FAM20A: variants seen among roughly 807,000 people sequenced by gnomAD.
FAM20A encodes FAM20A golgi associated secretory pathway pseudokinase, also known as pseudokinase FAM20A.
In FAM20A, 42 loss-of-function variants were observed where a neutral mutation model predicts 52.0. The observed-to-expected ratio is 0.81, with a 90% confidence interval of 0.63 to 1.04. FAM20A has a LOEUF of 1.04. FAM20A is among the 50% of genes least tolerant of loss of function. FAM20A has a pLI of 0.00. For missense variants in FAM20A, 742 were observed against 712.7 expected (o/e 1.04, Z -0.47); for synonymous variants, 304 against 298.9 (o/e 1.02, Z -0.18).
intron 1 of FAM20A, among the ~76,000 whole-genome samples, chr17:68,571,890 AT>A (rs1295368475): frequency 6.6e-4 from 100 of 150,560 alleles, no homozygotes; most frequent in Admixed American, 6.6e-3. Context: ...GAATCAATAA[AT>A]TACTGGTGAC....
intron 1 of FAM20A, among the ~76,000 whole-genome samples, chr17:68,589,162 C>T (rs996529407): frequency 6.6e-6 from 1 of 152,228 alleles, no homozygotes; most frequent in Non-Finnish European, 1.5e-5. Context: ...ACTATATGAA[C>T]AAGTCTGCAT....
chr17:68,559,744 A>G (rs947217630), intron 1 of FAM20A, among the ~76,000 whole-genome samples: 2 of 152,210 alleles, frequency 1.3e-5, no homozygotes, highest in Middle Eastern at 3.2e-3. Context: ...TCCAGAGGCA[A>G]CTAATGTTGC....
chr17:68,567,244 T>C (rs1568757283), intron 1 of FAM20A, among the ~76,000 whole-genome samples: 2 of 151,984 alleles, frequency 1.3e-5, no homozygotes. Context: ...AAAGGGGCCT[T>C]AGGCAATCTG....
chr17:68,587,692 TG>T (rs1474895991), intron 1 of FAM20A, among the ~76,000 whole-genome samples: 4 of 152,184 alleles, frequency 2.6e-5, no homozygotes, highest in African/African-American at 9.7e-5. Context: ...TGCCTTTCCA[TG>T]GAGATTTTCA....
intron 1 of FAM20A, among the ~76,000 whole-genome samples, chr17:68,599,474 T>C (rs181781136): frequency 6.6e-6 from 1 of 152,338 alleles, no homozygotes; most frequent in East Asian, 1.9e-4. Flanking sequence ...ATATTTGATA[T>C]TTTTTCCTCT....
At position 68,542,101 on chromosome 17, in the gene FAM20A, GC is replaced by G; in HGVS notation, c.992del (p.Gly331AlafsTer51). On this transcript the variant is annotated frameshift_variant, in exon 7 of 11. Transcript: ENST00000592554. LOFTEE classifies it high-confidence loss of function. ...YMCKTEYAVC[G>X]NPHLLEGSLS... ...GGGAACCCTCCAGCAGGTGTGGGTT[GC>G]CACAGACAGCATACTCCGTCTTGCA... 1 of 1,613,968 alleles carries G rather than the reference GC, an allele frequency of 6.2e-7. No individual in the cohort carries two copies. Among genetic ancestry groups the G allele is most frequent in the Non-Finnish European group, 8.5e-7 (1 of 1,179,884 alleles).
chr17:68,589,255 A>C (rs1308990421), intron 1 of FAM20A, among the ~76,000 whole-genome samples: 1 of 152,250 alleles, frequency 6.6e-6, no homozygotes, highest in Non-Finnish European at 1.5e-5. Context: ...GGGAGGCAGT[A>C]CAGCCAAGAT....
intron 1 of FAM20A, among the ~76,000 whole-genome samples, chr17:68,568,259 G>A (rs1459945349): frequency 6.6e-6 from 1 of 151,852 alleles, no homozygotes; most frequent in East Asian, 1.9e-4. Context: ...CACGAGGTCA[G>A]GAGATCAAGA....
chr17:68,589,501 T>C (rs2088244764), intron 1 of FAM20A, among the ~76,000 whole-genome samples: 1 of 152,200 alleles, frequency 6.6e-6, no homozygotes, highest in Admixed American at 6.5e-5. Flanking sequence ...ATTGTCAAAG[T>C]CATGGAAAGG....
At position 68,537,284 on chromosome 17, in the gene FAM20A, C is replaced by G. The variant is rs150972449; in HGVS notation, c.*193G>C. ...GGGAAAAACGGAGCAAGGCAACGCACGACAGAAGCGGTGCACCAAGGAGTA... is the reference window on the plus strand; with the variant it reads ...GGGAAAAACGGAGCAAGGCAACGCAGGACAGAAGCGGTGCACCAAGGAGTA... On this transcript the variant is annotated 3_prime_UTR_variant, in exon 11 of 11. Coordinates refer to ENST00000592554, the MANE Select transcript of FAM20A (RefSeq NM_017565.4). This position sits in a 1 kb window ranked among gnomAD's most constrained non-coding sequence, Gnocchi z 4.2. 1.3e-6 allele frequency: 1 copy of G among 777,564 alleles called. No individual in the cohort carries two copies. Among genetic ancestry groups the G allele is most frequent in the Non-Finnish European group, 2.2e-6 (1 of 458,194 alleles). 48.2% of individuals were successfully genotyped at this position (777,564 alleles called of 1,614,324 possible).
chr17:68,540,625 C>A (rs1323913709), intron 8 of FAM20A: 5 of 644,184 alleles, frequency 7.8e-6, no homozygotes, highest in Non-Finnish European at 1.4e-5. Context: ...GGGTGAGATG[C>A]CTGCCTTATG....
intron 1 of FAM20A, among the ~76,000 whole-genome samples, chr17:68,599,923 G>C (rs992098210): frequency 4.6e-5 from 7 of 152,244 alleles, no homozygotes; most frequent in African/African-American, 1.2e-4. Flanking sequence ...AGAGAGTGGG[G>C]TTTGGGAGCG....
chr17:68,536,677 C>T lies in FAM20A; in HGVS notation c.*800G>A, dbSNP rs1481322716. The T allele has an allele frequency of 2.2e-6, 1 of 453,300 alleles. No individual in the cohort carries two copies. The highest frequency in any genetic ancestry group is 2.0e-5 in the African/African-American group (1 of 49,956). The allele number at this position is 453,300 out of a possible 1,614,324, so 28.1% of individuals were successfully genotyped here. The stretch of plus-strand genomic sequence containing the variant: ...CCTTGGCTCTTTTCCTGCCTTACTC[C>T]AGGCTTGTGTCCCTGCTAGGCCTGT... On this transcript the variant is annotated 3_prime_UTR_variant, in exon 11 of 11. Coordinates refer to ENST00000592554, the MANE Select transcript of FAM20A (RefSeq NM_017565.4).
chr17:68,548,985 G>T (rs2086706319), intron 4 of FAM20A, among the ~76,000 whole-genome samples: 1 of 152,012 alleles, frequency 6.6e-6, no homozygotes, highest in African/African-American at 2.4e-5. Flanking sequence ...GCCCGCCTCA[G>T]CCTCCCAAAG....
In FAM20A at chr17:68,601,347, T is replaced by C; in HGVS notation, c.-681A>G. The C allele has an allele frequency of 6.6e-6, 1 of 152,528 alleles. No homozygotes were observed. Among genetic ancestry groups the C allele is most frequent in the Non-Finnish European group, 1.5e-5 (1 of 68,258 alleles). The allele number at this position is 152,528 out of a possible 1,614,324, so 9.4% of individuals were successfully genotyped here. A position where few individuals can be genotyped will look rare whatever the true frequency, so the allele number is the denominator to read the frequency against. ...CCCACTCTCCGCTGGCACCTGCCTC[T>C]GGCGCAGCTGACGGCCAACTCCCGA... On this transcript the variant is annotated 5_prime_UTR_variant, in exon 1 of 11. Transcript: ENST00000592554.
rs1181371427 is a variant in FAM20A at position 68,555,674 on chromosome 17, C to T, written c.474G>A (p.Glu158=). Residue 158 remains glutamate (E), a synonymous_variant, in exon 2 of 11, where the codon GAG becomes GAA. Coordinates refer to ENST00000592554, the MANE Select transcript of FAM20A (RefSeq NM_017565.4). ...SLDPPLQLRL[E]ASWVQFHLGI... is the part of the protein sequence containing the mutation. ...CCAGGTGGAACTGGACCCAGCTGGC[C>T]TCGAGTCGGAGCTGCAGTGGGGGGT... 6.2e-7 allele frequency: 1 copy of T among 1,613,784 alleles called. No homozygotes were observed. The highest frequency in any genetic ancestry group is 1.3e-5 in the African/African-American group (1 of 74,908).
intron 1 of FAM20A, among the ~76,000 whole-genome samples, chr17:68,574,399 G>A (rs1247105737): frequency 6.6e-6 from 1 of 152,088 alleles, no homozygotes. Flanking sequence ...ATAGCACCAT[G>A]AGACCCACTC....
chr17:68,555,660 T>A lies in FAM20A; in HGVS notation c.488A>T (p.Gln163Leu). The change falls in exon 2 of 11, where the codon CAG becomes CTG. Residue 163 changes from glutamine (Q) to leucine (L), a missense_variant. Coordinates refer to ENST00000592554, the MANE Select transcript of FAM20A (RefSeq NM_017565.4). ...LQLRLEASWV[Q>L]FHLGINRHGL... ...ATGGCGGTTAATACCCAGGTGGAACTGGACCCAGCTGGCCTCGAGTCGGAG... is the reference window on the plus strand; with the variant it reads ...ATGGCGGTTAATACCCAGGTGGAACAGGACCCAGCTGGCCTCGAGTCGGAG... 6.2e-7 allele frequency: 1 copy of A among 1,613,864 alleles called. No individual in the cohort carries two copies. The highest frequency in any genetic ancestry group is 8.5e-7 in the Non-Finnish European group (1 of 1,180,034).
At chr17:68,594,395 T>A (rs1217208651) in intron 1 of FAM20A, among the ~76,000 whole-genome samples, 8 of 139,908 alleles carry the variant, frequency 5.7e-5, no homozygotes, top group African/African-American at 1.9e-4. Context: ...CGAGACTCCG[T>A]CTCAAAAAAA....
Sources: gnomAD v4.1 joint callset for allele counts (sites outside exome capture counted in the v4.1 genomes callset) on GRCh38, gnomAD v4.1.1 for gene constraint, Gnocchi (gnomAD v3.1) non-coding constraint, MANE v1.5 for transcripts, NCBI Gene and HGNC (gene_info 2026-07-23, HGNC 2026-07-21) for gene names.